Variants in FOXN2 observed in about 807,000 individuals in gnomAD.
FOXN2 encodes forkhead box protein N2.
Under a neutral mutation model 41.2 loss-of-function variants are expected in FOXN2, and 19 were observed. That is an observed-to-expected ratio of 0.46 (90% CI 0.32 to 0.68). The LOEUF (loss-of-function observed/expected upper bound fraction) is 0.68, where lower values mean the gene tolerates loss of function less well. FOXN2 is among the 30% of genes least tolerant of loss of function. The probability of loss-of-function intolerance (pLI) is 0.03; values close to 1 mark genes in which losing one functional copy is unlikely to be tolerated. For synonymous variants in FOXN2, 195 were observed against 176.8 expected (o/e 1.10, Z -0.82); for missense variants, 587 against 509.4 (o/e 1.15, Z -1.47).
chr2:48,340,205 CA>C (rs1670652894), intron 2 of FOXN2, among the ~76,000 whole-genome samples: 2 of 152,044 alleles, frequency 1.3e-5, no homozygotes. Flanking sequence ...TTATTTTGGG[CA>C]AAAATGGCTA....
At chr2:48,338,074 G>T (rs1331400260) in intron 2 of FOXN2, among the ~76,000 whole-genome samples, 1 of 152,076 alleles carries the variant, frequency 6.6e-6, no homozygotes, top group Non-Finnish European at 1.5e-5. Context: ...CATGAAACAA[G>T]TTTCAACAAA....
At chr2:48,355,895 T>G (rs1671760857) in intron 3 of FOXN2, among the ~76,000 whole-genome samples, 1 of 152,232 alleles carries the variant, frequency 6.6e-6, no homozygotes, top group Non-Finnish European at 1.5e-5. Context: ...CTCTGGATTT[T>G]AAATTTGTTA....
In FOXN2 at chr2:48,376,318, C is replaced by T. The variant is rs1673244138; in HGVS notation, c.*875C>T. 1 of 152,058 alleles carries T rather than the reference C, an allele frequency of 6.6e-6. No homozygotes were observed. The highest frequency in any genetic ancestry group is 1.5e-5 in the Non-Finnish European group (1 of 67,964). 9.4% of individuals were successfully genotyped at this position (152,058 alleles called of 1,614,324 possible). A position where few individuals can be genotyped will look rare whatever the true frequency, so the allele number is the denominator to read the frequency against. Reference sequence around the variant, plus strand: ...ACACACTTGTAATAAGAGAATCTTTCATTTGCCTGCCATGTGTACTGTATT... The same window carrying T: ...ACACACTTGTAATAAGAGAATCTTTTATTTGCCTGCCATGTGTACTGTATT... On this transcript the variant is annotated 3_prime_UTR_variant, in exon 7 of 7. Coordinates refer to ENST00000340553, the MANE Select transcript of FOXN2 (RefSeq NM_002158.4).
intron 2 of FOXN2, among the ~76,000 whole-genome samples, chr2:48,344,162 A>G (rs1265537648): frequency 1.3e-5 from 2 of 152,238 alleles, no homozygotes; most frequent in African/African-American, 4.8e-5. Flanking sequence ...TTGGTCACTT[A>G]CATAGTACAG....
At position 48,376,351 on chromosome 2, in the gene FOXN2, T is replaced by C. The variant is rs1298020957; in HGVS notation, c.*908T>C. On this transcript the variant is annotated 3_prime_UTR_variant, in exon 7 of 7. Transcript: ENST00000340553. ...TGCCATGTGTACTGTATTATGAGAA[T>C]CTTATAATCGGAATGGAGTGAAATG... 1 of 152,044 alleles carries C rather than the reference T, an allele frequency of 6.6e-6. No homozygotes were observed. The allele number at this position is 152,044 out of a possible 1,614,324, so 9.4% of individuals were successfully genotyped here.
intron 1 of FOXN2, among the ~76,000 whole-genome samples, chr2:48,318,363 C>A (rs1345572637): frequency 6.6e-6 from 1 of 152,092 alleles, no homozygotes; most frequent in African/African-American, 2.4e-5. Context: ...TAGAATATCC[C>A]TCAATTGAGA....
intron 3 of FOXN2, among the ~76,000 whole-genome samples, chr2:48,356,167 C>T (rs1305306417): frequency 6.6e-6 from 1 of 152,046 alleles, no homozygotes; most frequent in African/African-American, 2.4e-5. Context: ...ATTGGCCAGG[C>T]GTGGTGGCTC....
intron 2 of FOXN2, among the ~76,000 whole-genome samples, chr2:48,330,063 T>C (rs866585788): frequency 6.6e-6 from 1 of 151,888 alleles, no homozygotes; most frequent in African/African-American, 2.4e-5. Context: ...GAAAAAAAAA[T>C]AAATAAATAA....
At chr2:48,328,431 CA>C (rs1669820282) in intron 1 of FOXN2, 129 bp from the exon 2 acceptor site, 1 of 152,116 alleles carries the variant, frequency 6.6e-6, no homozygotes, top group Admixed American at 6.5e-5. Flanking sequence ...ATACCTAATA[CA>C]ATGTAAATGC....
In FOXN2 at chr2:48,378,924, G is replaced by C. The variant is rs1172163718; in HGVS notation, c.*3481G>C. 6.6e-6 allele frequency: 1 copy of C among 152,370 alleles called. No homozygotes were observed. Among genetic ancestry groups the C allele is most frequent in the Non-Finnish European group, 1.5e-5 (1 of 67,960 alleles). 9.4% of individuals were successfully genotyped at this position (152,370 alleles called of 1,614,324 possible). A position where few individuals can be genotyped will look rare whatever the true frequency, so the allele number is the denominator to read the frequency against. On this transcript the variant is annotated 3_prime_UTR_variant, in exon 7 of 7. Coordinates refer to ENST00000340553, the MANE Select transcript of FOXN2 (RefSeq NM_002158.4). ...ATTAAACTAAGTGCTTAATTTTAAA[G>C]TATTATGTTGCCATCATATAGTGTA... is the stretch of plus-strand genomic sequence containing the variant.
intron 2 of FOXN2, among the ~76,000 whole-genome samples, chr2:48,330,991 T>C (rs552176903): frequency 2.0e-5 from 3 of 152,270 alleles, no homozygotes; most frequent in African/African-American, 7.2e-5. Context: ...TATTCAAGTG[T>C]TGGTTTCAAC....
At chr2:48,344,423 C>T (rs1441015988) in intron 2 of FOXN2, among the ~76,000 whole-genome samples, 1 of 152,132 alleles carries the variant, frequency 6.6e-6, no homozygotes, top group Non-Finnish European at 1.5e-5. Context: ...CATACTGTTG[C>T]CAGCACATAT....
chr2:48,332,089 C>T (rs1180175204), intron 2 of FOXN2, among the ~76,000 whole-genome samples: 1 of 152,082 alleles, frequency 6.6e-6, no homozygotes, highest in African/African-American at 2.4e-5. Context: ...TAGTTGGACA[C>T]AATGAATGTA....
At position 48,375,019 on chromosome 2, in the gene FOXN2, C is replaced by G; in HGVS notation, c.872C>G (p.Ser291Cys). 1 of 1,614,050 alleles carries G rather than the reference C, an allele frequency of 6.2e-7. No individual in the cohort carries two copies. Among genetic ancestry groups the G allele is most frequent in the Non-Finnish European group, 8.5e-7 (1 of 1,179,974 alleles). The change falls in exon 7 of 7, where the codon TCT becomes TGT. Residue 291 changes from serine (S) to cysteine (C), a missense_variant. By Grantham distance (112) the Ser-to-Cys change is moderately radical. Coordinates refer to ENST00000340553, the MANE Select transcript of FOXN2 (RefSeq NM_002158.4). ...PSAVRLQESD[S>C]LATSIDPKED... Reference sequence around the variant, plus strand: ...GCTGTACGATTACAAGAGAGTGATTCTTTAGCCACCAGCATTGATCCAAAA... The same window carrying G: ...GCTGTACGATTACAAGAGAGTGATTGTTTAGCCACCAGCATTGATCCAAAA...
chr2:48,318,018 G>A (rs1333743193), intron 1 of FOXN2, among the ~76,000 whole-genome samples: 1 of 152,036 alleles, frequency 6.6e-6, no homozygotes, highest in East Asian at 1.9e-4. Flanking sequence ...GCTTCTAAGG[G>A]ATTTTGATCC....
At chr2:48,360,825 C>A (rs777394645) in intron 4 of FOXN2, among the ~76,000 whole-genome samples, 2 of 145,272 alleles carry the variant, frequency 1.4e-5, no homozygotes, top group Non-Finnish European at 3.0e-5. Context: ...TAAGCCTGGA[C>A]AACATGGAGA....
chr2:48,314,551 G>A (rs1356465646), upstream of FOXN2: 2 of 152,294 alleles, frequency 1.3e-5, no homozygotes, highest in East Asian at 3.9e-4. Flanking sequence ...CCCTTCCTCG[G>A]GGTCGCGGGA....
chr2:48,325,930 A>G (rs1216776860), intron 1 of FOXN2, among the ~76,000 whole-genome samples: 2 of 150,694 alleles, frequency 1.3e-5, no homozygotes, highest in African/African-American at 4.9e-5. Context: ...CTCACTGCAA[A>G]CTGTGTCTCC....
At chr2:48,332,608 A>G (rs567666776) in intron 2 of FOXN2, among the ~76,000 whole-genome samples, 2 of 152,184 alleles carry the variant, frequency 1.3e-5, no homozygotes, top group Non-Finnish European at 2.9e-5. Context: ...AAACTTCAAA[A>G]TATAAAGCAT....
Sources: gnomAD v4.1 joint callset for allele counts (sites outside exome capture counted in the v4.1 genomes callset) on GRCh38, gnomAD v4.1.1 for gene constraint, MANE v1.5 for transcripts, NCBI Gene and HGNC (gene_info 2026-07-23, HGNC 2026-07-21) for gene names.